The following GUCY1A2 variants were observed in gnomAD, a reference collection of about 807,000 sequenced individuals.
GUCY1A2 encodes the protein guanylate cyclase 1 soluble subunit alpha 2.
In GUCY1A2, 27 loss-of-function variants were observed where a neutral mutation model predicts 63.5. The ratio of observed to expected loss-of-function variants is 0.43; its 90% CI spans 0.31 to 0.59. The LOEUF (loss-of-function observed/expected upper bound fraction) is 0.59. Ranked by LOEUF, GUCY1A2 falls within the 20% of genes least tolerant of loss-of-function variation. The probability of loss-of-function intolerance (pLI) is 0.11; values close to 1 mark genes in which losing one functional copy is unlikely to be tolerated. For missense variants in GUCY1A2, 768 were observed against 913.3 expected, an observed-to-expected ratio of 0.84 and a Z score of 2.05; for synonymous variants, 364 against 343.5, an observed-to-expected ratio of 1.06 and a Z score of -0.66.
intron 3 of GUCY1A2, among the ~76,000 whole-genome samples, chr11:106,962,987 A>C (rs1861079677): frequency 6.6e-6 from 1 of 152,066 alleles, no homozygotes; most frequent in African/African-American, 2.4e-5. Flanking sequence ...TTGACTTTAC[A>C]CGCCTATTAG....
intron 7 of GUCY1A2, among the ~76,000 whole-genome samples, chr11:106,690,929 GA>G (rs139560768): frequency 0.012 from 1,874 of 152,226 alleles, 39 homozygotes; most frequent in African/African-American, 0.042. Context: ...ATGACAATAA[GA>G]ATGGAAGTCA....
At chr11:106,710,778 A>T (rs1863103267) in intron 6 of GUCY1A2, among the ~76,000 whole-genome samples, 1 of 152,042 alleles carries the variant, frequency 6.6e-6, no homozygotes, top group South Asian at 2.1e-4. Flanking sequence ...GTGGGAGATG[A>T]TATCCTTAGT....
intron 4 of GUCY1A2, among the ~76,000 whole-genome samples, chr11:106,903,558 C>A (rs1202671836): frequency 6.6e-6 from 1 of 152,140 alleles, no homozygotes; most frequent in Non-Finnish European, 1.5e-5. Context: ...GCTAACCATT[C>A]AAACGAAAGC....
At chr11:106,806,757 G>C (rs1051764221) in intron 5 of GUCY1A2, among the ~76,000 whole-genome samples, 12 of 152,244 alleles carry the variant, frequency 7.9e-5, no homozygotes, top group African/African-American at 2.9e-4. Flanking sequence ...CATTGGAAAG[G>C]CTTTCATTTT....
intron 6 of GUCY1A2, chr11:106,746,545 C>T (rs1330329639): frequency 1.3e-6 from 2 of 1,531,716 alleles, no homozygotes; most frequent in African/African-American, 2.7e-5. Context: ...AAGTGAAGCT[C>T]ATTACCTTTT....
intron 5 of GUCY1A2, among the ~76,000 whole-genome samples, chr11:106,805,721 G>A (rs116563094): frequency 7.8e-4 from 118 of 152,242 alleles, no homozygotes; most frequent in Middle Eastern, 6.8e-3. Flanking sequence ...CAGAGGTGCT[G>A]GCTGGTTTCT....
chr11:106,850,934 G>A (rs1159438640), intron 4 of GUCY1A2, among the ~76,000 whole-genome samples: 1 of 151,826 alleles, frequency 6.6e-6, no homozygotes, highest in Non-Finnish European at 1.5e-5. Context: ...TTCCATAATG[G>A]CTGTACTAAT....
At chr11:106,868,756 C>T (rs1231557633) in intron 4 of GUCY1A2, among the ~76,000 whole-genome samples, 2 of 152,158 alleles carry the variant, frequency 1.3e-5, no homozygotes, top group Non-Finnish European at 2.9e-5. Flanking sequence ...GAAAAAACTA[C>T]TTTAAAGTTC....
intron 3 of GUCY1A2, among the ~76,000 whole-genome samples, chr11:106,941,327 T>A (rs1019875875): frequency 6.6e-6 from 1 of 152,054 alleles, no homozygotes; most frequent in Non-Finnish European, 1.5e-5. Flanking sequence ...AGAAGCAGGA[T>A]CACATGTGAT....
At chr11:106,811,749 T>C (rs1858764696) in intron 4 of GUCY1A2, among the ~76,000 whole-genome samples, 1 of 152,096 alleles carries the variant, frequency 6.6e-6, no homozygotes, top group Non-Finnish European at 1.5e-5. Flanking sequence ...GTAAAATTTC[T>C]GCTAAAGTTC....
At position 106,684,089 on chromosome 11, in the gene GUCY1A2, A is replaced by G. The variant is rs979308966; in HGVS notation, c.*3460T>C. ...CTCTTTTGCTTTGTTTTTCCTGGAA[A>G]GACACACATATTCACACTAAACTAC... On this transcript the variant is annotated 3_prime_UTR_variant, in exon 8 of 8. Transcript: ENST00000526355. The G allele has an allele frequency of 2.2e-5, 4 of 185,720 alleles. No individual in the cohort carries two copies. The highest frequency in any genetic ancestry group is 1.9e-4 in the Admixed American group (3 of 16,060). 11.5% of individuals were successfully genotyped at this position (185,720 alleles called of 1,614,324 possible).
chr11:106,758,929 G>A (rs1024115193), intron 6 of GUCY1A2, among the ~76,000 whole-genome samples: 2 of 152,238 alleles, frequency 1.3e-5, no homozygotes, highest in Non-Finnish European at 2.9e-5. Context: ...TTGGGGAGGG[G>A]TGTGGAAAGA....
chr11:106,888,933 A>G (rs1480886317), intron 4 of GUCY1A2, among the ~76,000 whole-genome samples: 4 of 152,218 alleles, frequency 2.6e-5, no homozygotes, highest in Admixed American at 2.6e-4. Flanking sequence ...TATTCAAGAC[A>G]TAGCAAGAAA....
rs1234519552 is a variant in GUCY1A2 at position 106,678,589 on chromosome 11, G to C, written c.*8960C>G. 9.5e-6 allele frequency: 2 copies of C among 211,028 alleles called. No individual in the cohort carries two copies. The highest frequency in any genetic ancestry group is 1.9e-5 in the Non-Finnish European group (2 of 104,048). The allele number at this position is 211,028 out of a possible 1,614,324, so 13.1% of individuals were successfully genotyped here. ...GCTGTAGGAATTGAGGTTTCATTGG[G>C]TATGGAAATGCATAGTTTCTTACTA... On this transcript the variant is annotated 3_prime_UTR_variant, in exon 8 of 8. Coordinates refer to ENST00000526355, the MANE Select transcript of GUCY1A2 (RefSeq NM_000855.3).
At chr11:106,969,287 A>T (rs1246571419) in intron 3 of GUCY1A2, among the ~76,000 whole-genome samples, 6 of 152,192 alleles carry the variant, frequency 3.9e-5, no homozygotes, top group African/African-American at 1.4e-4. Flanking sequence ...CAACTCATCT[A>T]GCATAGAACC....
chr11:106,935,111 G>A (rs1035822444), intron 4 of GUCY1A2, among the ~76,000 whole-genome samples: 4 of 152,218 alleles, frequency 2.6e-5, no homozygotes, highest in Admixed American at 6.5e-5. Flanking sequence ...GTGACAAGTG[G>A]TCTTCTAGTC....
intron 4 of GUCY1A2, among the ~76,000 whole-genome samples, chr11:106,923,593 TA>T (rs1160938763): frequency 2.0e-5 from 3 of 152,156 alleles, no homozygotes; most frequent in Admixed American, 2.0e-4. Context: ...CAATTTTTTT[TA>T]AAACATATGA....
intron 1 of GUCY1A2, among the ~76,000 whole-genome samples, chr11:107,004,202 C>A (rs967429238): frequency 6.6e-6 from 1 of 152,090 alleles, no homozygotes; most frequent in Non-Finnish European, 1.5e-5. Context: ...ACCACATTCA[C>A]CAAAGCTTGA....
At chr11:106,951,996 C>T (rs1193078200) in intron 3 of GUCY1A2, among the ~76,000 whole-genome samples, 2 of 152,140 alleles carry the variant, frequency 1.3e-5, no homozygotes, top group Middle Eastern at 3.2e-3. Context: ...AATAGGAGAT[C>T]CTTTCTCCAT....
Sources: gnomAD v4.1 joint callset for allele counts (sites outside exome capture counted in the v4.1 genomes callset) on GRCh38, gnomAD v4.1.1 for gene constraint, MANE v1.5 for transcripts, NCBI Gene and HGNC (gene_info 2026-07-23, HGNC 2026-07-21) for gene names.